TMEM132B: variants seen among roughly 807,000 people sequenced by gnomAD.
TMEM132B encodes the protein transmembrane protein 132B.
TMEM132B carries 18 observed loss-of-function variants against 90.8 expected under a neutral mutation model. The ratio of observed to expected loss-of-function variants is 0.20; its 90% CI spans 0.14 to 0.29. TMEM132B has a LOEUF of 0.29. TMEM132B is among the 10% of genes least tolerant of loss of function. TMEM132B has a pLI of 1.00. For synonymous variants in TMEM132B, 504 were observed against 523.3 expected (o/e 0.96, Z 0.50); for missense variants, 1,096 against 1,326.8 (o/e 0.83, Z 2.70).
intron 2 of TMEM132B, among the ~76,000 whole-genome samples, chr12:125,361,229 C>T (rs1231776372): frequency 6.6e-6 from 1 of 152,064 alleles, no homozygotes; most frequent in Admixed American, 6.6e-5. Flanking sequence ...TGTCATCACT[C>T]ATCCTCAGGA....
At chr12:125,245,776 T>G (rs1593054378) in intron 1 of TMEM132B, among the ~76,000 whole-genome samples, 1 of 151,260 alleles carries the variant, frequency 6.6e-6, no homozygotes, top group Non-Finnish European at 1.5e-5. Flanking sequence ...GCCGGGGGAG[T>G]GCTGGGCAGA....
chr12:125,303,301 T>C (rs1240316898), intron 1 of TMEM132B, among the ~76,000 whole-genome samples: 1 of 152,234 alleles, frequency 6.6e-6, no homozygotes, highest in Non-Finnish European at 1.5e-5. Context: ...TCCAGGCTCA[T>C]GCGTGTTACA....
In TMEM132B at chr12:125,349,438, C is replaced by T. The variant is rs749315588; in HGVS notation, c.68-14C>T. ...GAACACGGTTTTATTCTTTTGCTTTCCTTTCTTGTGCAGTGACAGAGAGTC... is the reference window on the plus strand; with the variant it reads ...GAACACGGTTTTATTCTTTTGCTTTTCTTTCTTGTGCAGTGACAGAGAGTC... On this transcript the variant is annotated splice_polypyrimidine_tract_variant and intron_variant, in intron 1 of 8. Transcript: ENST00000682704. This position sits in a 1 kb window ranked among gnomAD's most constrained non-coding sequence, Gnocchi z 4.1. The T allele has an allele frequency of 1.3e-6, 2 of 1,585,564 alleles. No homozygotes were observed. Among genetic ancestry groups the T allele is most frequent in the Non-Finnish European group, 1.7e-6 (2 of 1,166,370 alleles).
chr12:125,638,290 G>T (rs1161242616), intron 5 of TMEM132B, among the ~76,000 whole-genome samples: 1 of 152,156 alleles, frequency 6.6e-6, no homozygotes, highest in Non-Finnish European at 1.5e-5. Flanking sequence ...AGGTTAACGG[G>T]TATAATTCTA....
At chr12:125,542,110 T>G (rs1270140552) in intron 4 of TMEM132B, among the ~76,000 whole-genome samples, 1 of 150,246 alleles carries the variant, frequency 6.7e-6, no homozygotes, top group African/African-American at 2.4e-5. Flanking sequence ...AAAGCCACTC[T>G]GGGAAGCATA....
chr12:125,296,766 A>G (rs899085154), intron 1 of TMEM132B, among the ~76,000 whole-genome samples: 2 of 152,170 alleles, frequency 1.3e-5, no homozygotes, highest in Non-Finnish European at 2.9e-5. Context: ...CCACTCCTTT[A>G]TCACTGTGTG....
chr12:125,377,679 C>G (rs1878537169), intron 2 of TMEM132B, among the ~76,000 whole-genome samples: 1 of 151,560 alleles, frequency 6.6e-6, no homozygotes, highest in African/African-American at 2.4e-5. Context: ...GTTCTGATCT[C>G]TCTCATGGGA....
intron 2 of TMEM132B, among the ~76,000 whole-genome samples, chr12:125,393,323 T>C (rs1015625013): frequency 5.3e-5 from 8 of 152,186 alleles, no homozygotes; most frequent in Admixed American, 3.3e-4. Context: ...TCTACTGTTA[T>C]GGGTCTTAAC....
chr12:125,656,764 C>G lies in TMEM132B; in HGVS notation c.*2054C>G, dbSNP rs1887071687. The G allele has an allele frequency of 6.6e-6, 1 of 152,244 alleles. No individual in the cohort carries two copies. Among genetic ancestry groups the G allele is most frequent in the Admixed American group, 6.5e-5 (1 of 15,284 alleles). 9.4% of individuals were successfully genotyped at this position (152,244 alleles called of 1,614,324 possible). ...CAACCATCCAGGACCGAAGAAAGCT[C>G]ATGTGCTGATTGACACATAGCTATC... On this transcript the variant is annotated 3_prime_UTR_variant, in exon 9 of 9. Transcript: ENST00000682704.
chr12:125,332,333 GCCAATTATTCAT>G (rs1876801227), intron 1 of TMEM132B, among the ~76,000 whole-genome samples: 1 of 152,086 alleles, frequency 6.6e-6, no homozygotes, highest in Admixed American at 6.5e-5. Context: ...ATAACTGCCA[GCCAATTATTCAT>G]CTCTTCTTCC....
intron 1 of TMEM132B, among the ~76,000 whole-genome samples, chr12:125,299,330 AC>A (rs1203571988): frequency 6.6e-6 from 1 of 151,814 alleles, no homozygotes; most frequent in Non-Finnish European, 1.5e-5. Flanking sequence ...CTCATCACTC[AC>A]TGGCTTACTT....
chr12:125,274,053 G>A (rs993559262), intron 1 of TMEM132B, among the ~76,000 whole-genome samples: 6 of 152,072 alleles, frequency 3.9e-5, no homozygotes, highest in Non-Finnish European at 5.9e-5. Flanking sequence ...TTCTGTGTTC[G>A]TCATTCCTTT....
chr12:125,592,899 T>C (rs963869423), intron 5 of TMEM132B, among the ~76,000 whole-genome samples: 5 of 152,204 alleles, frequency 3.3e-5, no homozygotes, highest in African/African-American at 1.2e-4. Context: ...TCTGCATTGG[T>C]GCGTATTGGT....
chr12:125,304,542 A>C (rs762678915), intron 1 of TMEM132B, among the ~76,000 whole-genome samples: 4 of 152,058 alleles, frequency 2.6e-5, no homozygotes, highest in Non-Finnish European at 1.5e-5. Context: ...TTATAGTTTT[A>C]GCTCTTTTAG....
Position 125,555,649 on chromosome 12 carries a change from C to T in TMEM132B, c.1294-28202C>T, listed in dbSNP as rs191155985. ...TAATGGGTGCAGCACACCAACATGG[C>T]ACATGTATACATATGTAACAAACCT... is the stretch of plus-strand genomic sequence containing the variant. On this transcript the variant is annotated intron_variant, in intron 4 of 8. Coordinates refer to ENST00000682704, the MANE Select transcript of TMEM132B (RefSeq NM_001366854.1). Among the ~76,000 whole-genome samples, 589 of 151,258 alleles carry T rather than the reference C, an allele frequency of 3.9e-3. 2 individuals are homozygous for T. Among genetic ancestry groups the T allele is most frequent in the African/African-American group, 0.014 (578 of 41,212 alleles).
intron 2 of TMEM132B, among the ~76,000 whole-genome samples, chr12:125,358,029 A>G (rs1346944735): frequency 6.6e-6 from 1 of 152,088 alleles, no homozygotes; most frequent in Non-Finnish European, 1.5e-5. Flanking sequence ...TGATTGTACA[A>G]GTGTTTTGTG....
intron 1 of TMEM132B, among the ~76,000 whole-genome samples, chr12:125,262,000 A>G (rs1288874572): frequency 6.6e-6 from 1 of 152,140 alleles, no homozygotes; most frequent in Non-Finnish European, 1.5e-5. Flanking sequence ...CGCAGCTTAT[A>G]TTTATTTTAA....
Position 125,495,977 on chromosome 12 carries a change from G to T in TMEM132B, c.1107-23462G>T, listed in dbSNP as rs138618710. ...TATCTGTGAACATTTAATATGCAAGGTGTTTGAGAGGCTGCTAAAGGAGCT... is the reference window on the plus strand; with the variant it reads ...TATCTGTGAACATTTAATATGCAAGTTGTTTGAGAGGCTGCTAAAGGAGCT... On this transcript the variant is annotated intron_variant, in intron 3 of 8. Coordinates refer to ENST00000682704, the MANE Select transcript of TMEM132B (RefSeq NM_001366854.1). Among the ~76,000 whole-genome samples, 464 of 152,310 alleles carry T rather than the reference G, an allele frequency of 3.0e-3. 6 individuals are homozygous for T. Among genetic ancestry groups the T allele is most frequent in the Admixed American group, 0.026 (391 of 15,298 alleles).
Position 125,445,716 on chromosome 12 carries a change from T to C in TMEM132B, c.1106+30039T>C, listed in dbSNP as rs1043929051. 2.0e-5 allele frequency among the ~76,000 whole-genome samples: 3 copies of C among 152,318 alleles called. No individual in the cohort carries two copies. In the East Asian group the frequency reaches 5.8e-4, roughly 29 times the overall value. On this transcript the variant is annotated intron_variant, in intron 3 of 8. Transcript: ENST00000682704. The surrounding 1 kb of genome is among the most constrained non-coding windows in gnomAD (Gnocchi z 4.3). ...TGTTGGGGCCTTCTAGTGTGGACAC[T>C]GTGCACCCCAGGCCTTGTGCTGCCC...
Sources: gnomAD v4.1 joint callset for allele counts (sites outside exome capture counted in the v4.1 genomes callset) on GRCh38, gnomAD v4.1.1 for gene constraint, Gnocchi (gnomAD v3.1) non-coding constraint, MANE v1.5 for transcripts, NCBI Gene and HGNC (gene_info 2026-07-23, HGNC 2026-07-21) for gene names.